Variants in AKAP6 observed in about 807,000 individuals in gnomAD.
AKAP6 encodes the protein A-kinase anchoring protein 6.
A neutral mutation model predicts 188.5 loss-of-function variants in AKAP6; 58 were observed. The observed-to-expected ratio is 0.31, with a 90% CI of 0.25 to 0.38. AKAP6 has a LOEUF of 0.38. Among genes scored for constraint, AKAP6 ranks in the 10% least tolerant of loss-of-function variants. AKAP6 has a pLI of 1.00. For missense variants in AKAP6, 2,710 were observed against 2,740.0 expected (o/e 0.99, Z 0.24); for synonymous variants, 989 against 998.6 (o/e 0.99, Z 0.18).
At chr14:32,666,481 T>TC (rs1355759993) in intron 7 of AKAP6, among the ~76,000 whole-genome samples, 1 of 151,972 alleles carries the variant, frequency 6.6e-6, no homozygotes, top group East Asian at 1.9e-4. Flanking sequence ...ATTCTTTTTT[T>TC]CCCCTCTCAC....
intron 2 of AKAP6, among the ~76,000 whole-genome samples, chr14:32,480,988 C>T (rs1879313088): frequency 6.6e-6 from 1 of 152,134 alleles, no homozygotes; most frequent in Non-Finnish European, 1.5e-5. Flanking sequence ...ATTCTCTTTT[C>T]ATGTTCTGTA....
At chr14:32,510,267 A>C (rs1881108130) in intron 2 of AKAP6, among the ~76,000 whole-genome samples, 1 of 151,520 alleles carries the variant, frequency 6.6e-6, no homozygotes, top group Non-Finnish European at 1.5e-5. Flanking sequence ...GCATATGCCA[A>C]AGAACAAACA....
intron 1 of AKAP6, among the ~76,000 whole-genome samples, chr14:32,394,482 A>G (rs954139841): frequency 6.6e-6 from 1 of 152,194 alleles, no homozygotes; most frequent in Non-Finnish European, 1.5e-5. Flanking sequence ...CAGAGTCTCA[A>G]AAAGAATAAA....
chr14:32,708,579 A>C lies in AKAP6; in HGVS notation c.3000+12469A>C, dbSNP rs560159964. Among the ~76,000 whole-genome samples, 10 of 152,210 alleles carry C rather than the reference A, an allele frequency of 6.6e-5. No homozygotes were observed. The South Asian group carries it at 2.1e-3, about 32-fold the overall frequency. Reference sequence around the variant, plus strand: ...AACTTTCTCCCACATTTTCATTTTTAAAAAGTATTATACTATTCATAATTT... The same window carrying C: ...AACTTTCTCCCACATTTTCATTTTTCAAAAGTATTATACTATTCATAATTT... On this transcript the variant is annotated intron_variant, in intron 9 of 13. Coordinates refer to ENST00000280979, the MANE Select transcript of AKAP6 (RefSeq NM_004274.5).
intron 2 of AKAP6, among the ~76,000 whole-genome samples, chr14:32,450,511 A>G (rs1049549996): frequency 1.3e-5 from 2 of 152,290 alleles, no homozygotes; most frequent in East Asian, 3.9e-4. Flanking sequence ...TTTTTAGTTA[A>G]CACAATGAGA....
intron 2 of AKAP6, among the ~76,000 whole-genome samples, chr14:32,494,838 G>A (rs993789176): frequency 1.1e-4 from 17 of 152,092 alleles, no homozygotes; most frequent in Admixed American, 8.5e-4. Flanking sequence ...AAAGATAGGT[G>A]TATAACTTCA....
chr14:32,736,113 G>GT (rs1388744184), intron 11 of AKAP6, among the ~76,000 whole-genome samples: 1 of 152,234 alleles, frequency 6.6e-6, no homozygotes, highest in African/African-American at 2.4e-5. Flanking sequence ...CTGCATGTGT[G>GT]TTTTTTGCAA....
At chr14:32,346,404 A>G (rs1211926277) in intron 1 of AKAP6, among the ~76,000 whole-genome samples, 7 of 152,236 alleles carry the variant, frequency 4.6e-5, no homozygotes, top group Non-Finnish European at 1.0e-4. Context: ...TCTTTCTGAG[A>G]CAGTATGTTT....
chr14:32,604,348 C>G (rs74041639), intron 7 of AKAP6, among the ~76,000 whole-genome samples: 2,916 of 152,180 alleles, frequency 0.019, 112 homozygotes, highest in African/African-American at 0.066. Flanking sequence ...GCCTCTACCT[C>G]CCAACTAGTT....
At chr14:32,403,005 T>C (rs1212455499) in intron 1 of AKAP6, 1 of 152,428 alleles carries the variant, frequency 6.6e-6, no homozygotes, top group East Asian at 1.9e-4. Flanking sequence ...GTGCTGGGAT[T>C]ATAGGTGTGA....
At chr14:32,736,663 A>G (rs898925936) in intron 11 of AKAP6, among the ~76,000 whole-genome samples, 17 of 152,148 alleles carry the variant, frequency 1.1e-4, no homozygotes, top group African/African-American at 4.1e-4. Context: ...GAGAAATCTT[A>G]AAGAGGAGAA....
intron 7 of AKAP6, among the ~76,000 whole-genome samples, chr14:32,637,669 T>G (rs1887561053): frequency 6.6e-6 from 1 of 151,986 alleles, no homozygotes; most frequent in Non-Finnish European, 1.5e-5. Flanking sequence ...AGGCAGGGAT[T>G]AGAGTTACTT....
At chr14:32,590,232 C>T (rs1274795044) in intron 5 of AKAP6, among the ~76,000 whole-genome samples, 1 of 151,422 alleles carries the variant, frequency 6.6e-6, no homozygotes, top group Non-Finnish European at 1.5e-5. Flanking sequence ...TCCCTGCCCA[C>T]CCTCCCCTCA....
chr14:32,358,114 C>A (rs995626655), intron 1 of AKAP6, among the ~76,000 whole-genome samples: 1 of 152,212 alleles, frequency 6.6e-6, no homozygotes, highest in African/African-American at 2.4e-5. Context: ...TAGGTTGTTG[C>A]TTACCTGGCT....
Position 32,824,394 on chromosome 14 carries a change from GTTC to G in AKAP6, c.6586_6588del (p.Ser2196del), listed in dbSNP as rs775000487. The G allele has an allele frequency of 1.7e-5, 28 of 1,613,830 alleles. No homozygotes were observed. The South Asian group carries it at 3.1e-4, about 18-fold the overall frequency. ...GCAATGCCACTACAAGCAACAGCATGTTCTTCTGAGTTCAGTGATAGTTCTCTT... is the reference window on the plus strand; with the variant it reads ...GCAATGCCACTACAAGCAACAGCATGTTCTGAGTTCAGTGATAGTTCTCTT... On this transcript the variant is annotated inframe_deletion, in exon 13 of 14. Coordinates refer to ENST00000280979, the MANE Select transcript of AKAP6 (RefSeq NM_004274.5).
At chr14:32,335,219 CCTGTGTAGTTGCATAGGGCCCTGCA>C (rs1387336809) in intron 1 of AKAP6, among the ~76,000 whole-genome samples, 1 of 152,118 alleles carries the variant, frequency 6.6e-6, no homozygotes, top group Non-Finnish European at 1.5e-5. Flanking sequence ...GGGTGTGCAA[CCTGTGTAGTTGCATAGGGCCCTGCA>C]CTGAGAAGGG....
At chr14:32,808,649 A>G (rs1159237956) in intron 12 of AKAP6, among the ~76,000 whole-genome samples, 1 of 152,208 alleles carries the variant, frequency 6.6e-6, no homozygotes, top group Non-Finnish European at 1.5e-5. Context: ...CAAATAGGGA[A>G]GGGAGTCCAA....
chr14:32,834,122 G>A lies in AKAP6; in HGVS notation c.*4317G>A, dbSNP rs1483959584. On this transcript the variant is annotated 3_prime_UTR_variant, in exon 14 of 14. Coordinates refer to ENST00000280979, the MANE Select transcript of AKAP6 (RefSeq NM_004274.5). ...AGAAATGTAACATTGGCTGGTCATG[G>A]TGGCTCACGCCTGTAATCCCAGCAC... 6.6e-6 allele frequency: 1 copy of A among 152,232 alleles called. No homozygotes were observed. Among genetic ancestry groups the A allele is most frequent in the Non-Finnish European group, 1.5e-5 (1 of 68,074 alleles). 9.4% of individuals were successfully genotyped at this position (152,232 alleles called of 1,614,324 possible).
At chr14:32,372,275 T>C (rs562914394) in intron 1 of AKAP6, among the ~76,000 whole-genome samples, 1 of 152,254 alleles carries the variant, frequency 6.6e-6, no homozygotes, top group African/African-American at 2.4e-5. Context: ...TTTCTTTTAC[T>C]TGTGATGCAT....
Sources: gnomAD v4.1 joint callset for allele counts (sites outside exome capture counted in the v4.1 genomes callset) on GRCh38, gnomAD v4.1.1 for gene constraint, MANE v1.5 for transcripts, NCBI Gene and HGNC (gene_info 2026-07-23, HGNC 2026-07-21) for gene names.